SLC7A14: variants seen among roughly 807,000 people sequenced by gnomAD.
The protein encoded by SLC7A14 is gamma-aminobutyric acid transporter SLC7A14.
SLC7A14 carries 37 observed loss-of-function variants against 60.2 expected under a neutral mutation model. The ratio of observed to expected loss-of-function variants is 0.61; its 90% confidence interval spans 0.47 to 0.81. The LOEUF is 0.81. SLC7A14 is among the 30% of genes least tolerant of loss of function. The probability of loss-of-function intolerance (pLI) is 0.00; values close to 1 mark genes in which losing one functional copy is unlikely to be tolerated. For missense variants in SLC7A14, 886 were observed against 982.7 expected (o/e 0.90, Z 1.32); for synonymous variants, 399 against 395.8 (o/e 1.01, Z -0.10).
At chr3:170,494,465 C>T (rs1712319146) in intron 4 of SLC7A14, among the ~76,000 whole-genome samples, 1 of 152,180 alleles carries the variant, frequency 6.6e-6, no homozygotes, top group South Asian at 2.1e-4. Flanking sequence ...GGATGTGGAG[C>T]CCCTGAGAAG....
Position 170,467,015 on chromosome 3 carries a change from A to T in SLC7A14, c.*40T>A. The T allele has an allele frequency of 6.6e-7, 1 of 1,515,680 alleles. No individual in the cohort carries two copies. The highest frequency in any genetic ancestry group is 8.9e-7 in the Non-Finnish European group (1 of 1,123,780). The allele number at this position is 1,515,680 out of a possible 1,614,324, so 93.9% of individuals were successfully genotyped here. On this transcript the variant is annotated 3_prime_UTR_variant, in exon 8 of 8. Coordinates refer to ENST00000231706, the MANE Select transcript of SLC7A14 (RefSeq NM_020949.3). The stretch of plus-strand genomic sequence containing the variant: ...TCTAGCCCACAGGTTAAGTTACTGA[A>T]AATCAGTCATCACCATTTCTACCCA...
rs2108260422 is a variant in SLC7A14, at chr3:170,463,850, G to T, written c.*3205C>A. 1 of 152,258 alleles carries T rather than the reference G, an allele frequency of 6.6e-6. No individual in the cohort carries two copies. 9.4% of individuals were successfully genotyped at this position (152,258 alleles called of 1,614,324 possible). On this transcript the variant is annotated 3_prime_UTR_variant, in exon 8 of 8. Transcript: ENST00000231706. ...GGTATTTCTTGAATACACACTATAT[G>T]CCAGGCACATGTAGCTAGCAAAATC...
At chr3:170,477,924 T>C (rs1711676508) in intron 7 of SLC7A14, among the ~76,000 whole-genome samples, 2 of 152,224 alleles carry the variant, frequency 1.3e-5, no homozygotes. Flanking sequence ...GTCTGTGTCT[T>C]GAATAATTTG....
rs913074663 is a variant in SLC7A14, at chr3:170,478,748, A to G, written c.1993+1541T>C. ...GTATTTTTGAGCACATACTGCGGGCACCCTGCTCCAGACACGGAGGACACA... is the reference window on the plus strand; with the variant it reads ...GTATTTTTGAGCACATACTGCGGGCGCCCTGCTCCAGACACGGAGGACACA... On this transcript the variant is annotated intron_variant, in intron 7 of 7. Coordinates refer to ENST00000231706, the MANE Select transcript of SLC7A14 (RefSeq NM_020949.3). Among the ~76,000 whole-genome samples the G allele has an allele frequency of 3.9e-5, 6 of 152,118 alleles. No individual in the cohort carries two copies. The South Asian group carries it at 8.3e-4, about 21-fold the overall frequency.
intron 1 of SLC7A14, among the ~76,000 whole-genome samples, chr3:170,539,450 A>G (rs983431172): frequency 6.6e-6 from 1 of 151,970 alleles, no homozygotes; most frequent in Non-Finnish European, 1.5e-5. Context: ...CTATCTATGT[A>G]TCTACCTATC....
chr3:170,499,834 G>A (rs1331432788), intron 3 of SLC7A14, among the ~76,000 whole-genome samples: 1 of 152,202 alleles, frequency 6.6e-6, no homozygotes, highest in East Asian at 1.9e-4. Context: ...AGCCAGATGT[G>A]TGGCCTTGGG....
chr3:170,474,085 A>G (rs1361436869), intron 7 of SLC7A14, among the ~76,000 whole-genome samples: 1 of 152,188 alleles, frequency 6.6e-6, no homozygotes, highest in African/African-American at 2.4e-5. Context: ...AAACAACCCA[A>G]ATGTCCCTGG....
intron 1 of SLC7A14, among the ~76,000 whole-genome samples, chr3:170,561,108 C>A (rs1714636335): frequency 6.6e-6 from 1 of 152,184 alleles, no homozygotes; most frequent in Non-Finnish European, 1.5e-5. Flanking sequence ...TCTTTCCTCT[C>A]CTCATTCTCT....
chr3:170,576,298 C>T (rs1171231289), intron 1 of SLC7A14, among the ~76,000 whole-genome samples: 2 of 152,172 alleles, frequency 1.3e-5, no homozygotes, highest in Non-Finnish European at 1.5e-5. Context: ...CCATGCTTGT[C>T]ATAAAACAAG....
At chr3:170,542,261 G>A (rs904023496) in intron 1 of SLC7A14, among the ~76,000 whole-genome samples, 1 of 152,142 alleles carries the variant, frequency 6.6e-6, no homozygotes, top group African/African-American at 2.4e-5. Flanking sequence ...TCGTGACATT[G>A]GTTTCTAATA....
intron 2 of SLC7A14, among the ~76,000 whole-genome samples, chr3:170,524,279 T>C (rs1713426335): frequency 6.6e-6 from 1 of 152,244 alleles, no homozygotes; most frequent in African/African-American, 2.4e-5. Flanking sequence ...GAAAGAGGTA[T>C]GCACCATTAG....
intron 7 of SLC7A14, among the ~76,000 whole-genome samples, chr3:170,475,229 C>A (rs1176770971): frequency 6.6e-6 from 1 of 152,172 alleles, no homozygotes; most frequent in Non-Finnish European, 1.5e-5. Context: ...AGGTCAAAAG[C>A]TTAGCAAAAC....
intron 1 of SLC7A14, among the ~76,000 whole-genome samples, chr3:170,554,149 A>T (rs1421535606): frequency 6.6e-6 from 1 of 152,234 alleles, no homozygotes; most frequent in Non-Finnish European, 1.5e-5. Context: ...CAAGAGCAAG[A>T]AGAGGATGAA....
At position 170,464,035 on chromosome 3, in the gene SLC7A14, A is replaced by G. The variant is rs895813681; in HGVS notation, c.*3020T>C. 4.6e-5 allele frequency: 7 copies of G among 152,220 alleles called. No individual in the cohort carries two copies. The highest frequency in any genetic ancestry group is 8.8e-5 in the Non-Finnish European group (6 of 68,036). 9.4% of individuals were successfully genotyped at this position (152,220 alleles called of 1,614,324 possible). Reference sequence around the variant, plus strand: ...TGTCACTCATTGGCAAATTTAGTAAAGCATGTCAGGGTTCTGCATTTATGT... The same window carrying G: ...TGTCACTCATTGGCAAATTTAGTAAGGCATGTCAGGGTTCTGCATTTATGT... On this transcript the variant is annotated 3_prime_UTR_variant, in exon 8 of 8. Coordinates refer to ENST00000231706, the MANE Select transcript of SLC7A14 (RefSeq NM_020949.3).
rs1393778903 is a variant in SLC7A14 at position 170,535,011 on chromosome 3, G to A, written c.-152-7923C>T. On this transcript the variant is annotated intron_variant, in intron 1 of 7. Coordinates refer to ENST00000231706, the MANE Select transcript of SLC7A14 (RefSeq NM_020949.3). The surrounding 1 kb of genome is among the most constrained non-coding windows in gnomAD (Gnocchi z 4.3). ...TGGTTACTGAGCGTTGAGACACCACGTTTCTCCTTCGATGCCCCAGTCAGG... is the reference window on the plus strand; with the variant it reads ...TGGTTACTGAGCGTTGAGACACCACATTTCTCCTTCGATGCCCCAGTCAGG... Among the ~76,000 whole-genome samples, 1 of 152,200 alleles carries A rather than the reference G, an allele frequency of 6.6e-6. No individual in the cohort carries two copies. Among genetic ancestry groups the A allele is most frequent in the African/African-American group, 2.4e-5 (1 of 41,442 alleles).
At chr3:170,486,798 G>C (rs1040995634) in intron 4 of SLC7A14, among the ~76,000 whole-genome samples, 2 of 150,930 alleles carry the variant, frequency 1.3e-5, no homozygotes, top group African/African-American at 4.9e-5. Flanking sequence ...CTTGAACCCA[G>C]GAGGCAGAGG....
At chr3:170,506,544 TC>T in intron 2 of SLC7A14, among the ~76,000 whole-genome samples, 1 of 152,230 alleles carries the variant, frequency 6.6e-6, no homozygotes, top group Non-Finnish European at 1.5e-5. Flanking sequence ...AAAAATATGG[TC>T]CTTTTCAATG....
chr3:170,558,391 AAAAC>A (rs1474979100), intron 1 of SLC7A14, among the ~76,000 whole-genome samples: 13 of 152,182 alleles, frequency 8.5e-5, no homozygotes, highest in East Asian at 1.9e-4. Flanking sequence ...TTCAAAAAAT[AAAAC>A]AAACAAACAA....
At position 170,527,082 on chromosome 3, in the gene SLC7A14, T is replaced by G; in HGVS notation, c.-146A>C. The G allele has an allele frequency of 1.2e-6, 1 of 805,710 alleles. No homozygotes were observed. The highest frequency in any genetic ancestry group is 1.9e-6 in the Non-Finnish European group (1 of 524,668). 49.9% of individuals were successfully genotyped at this position (805,710 alleles called of 1,614,324 possible). ...ACCCAGTGCAGCCTTCTCCTGGGCA[T>G]GAATGTCTGCAGGAAAAACACAAGA... On this transcript the variant is annotated 5_prime_UTR_variant, in exon 2 of 8. It removes an upstream start codon present in the reference 5' UTR. Coordinates refer to ENST00000231706, the MANE Select transcript of SLC7A14 (RefSeq NM_020949.3).
Sources: allele counts gnomAD v4.1 joint callset (sites outside exome capture counted in the v4.1 genomes callset), GRCh38; gene constraint gnomAD v4.1.1; non-coding constraint Gnocchi (gnomAD v3.1); transcripts MANE v1.5; gene names NCBI Gene and HGNC (gene_info 2026-07-23, HGNC 2026-07-21).